Variants in MYRFL observed in about 807,000 individuals in gnomAD.
MYRFL encodes the protein myelin regulatory factor like, also known as myelin regulatory factor-like protein.
In MYRFL, 88 loss-of-function variants were observed where a neutral mutation model predicts 109.4. The observed-to-expected ratio is 0.80, with a 90% CI of 0.68 to 0.96. The LOEUF is 0.96. MYRFL is among the 40% of genes least tolerant of loss of function. The probability of loss-of-function intolerance (pLI) is 0.00; values close to 1 mark genes in which losing one functional copy is unlikely to be tolerated. For missense variants in MYRFL, 957 were observed against 954.9 expected (o/e 1.00, Z -0.03); for synonymous variants, 324 against 320.9 (o/e 1.01, Z -0.10).
chr12:69,890,833 G>T, intron 6 of MYRFL, 138 bp from the exon 7 acceptor site: 1 of 572,252 alleles, frequency 1.7e-6, no homozygotes, highest in Non-Finnish European at 2.7e-6. Context: ...AAAAATTCAA[G>T]AAATCAATTG....
intron 4 of MYRFL, 126 bp downstream of exon 4, chr12:69,879,579 G>T (rs920192662): frequency 1.7e-6 from 1 of 587,712 alleles, no homozygotes. Context: ...GTTGAGACGC[G>T]TATAGGACAT....
intron 10 of MYRFL, among the ~76,000 whole-genome samples, chr12:69,901,393 C>T (rs1237390699): frequency 1.3e-5 from 2 of 152,156 alleles, no homozygotes; most frequent in Non-Finnish European, 2.9e-5. Context: ...GAGGAATTCT[C>T]CCTAGGGCTA....
At chr12:69,866,610 C>T (rs1395016361) in intron 2 of MYRFL, among the ~76,000 whole-genome samples, 1 of 152,152 alleles carries the variant, frequency 6.6e-6, no homozygotes, top group Non-Finnish European at 1.5e-5. Flanking sequence ...GTTACTTCCC[C>T]TCTACCATAT....
intron 1 of MYRFL, among the ~76,000 whole-genome samples, chr12:69,829,715 A>C (rs1323745010): frequency 6.6e-6 from 1 of 152,162 alleles, no homozygotes; most frequent in Admixed American, 6.5e-5. Context: ...TAGAACAGAG[A>C]TGTTGATAGA....
chr12:69,950,524 C>G (rs1033850876), intron 19 of MYRFL, among the ~76,000 whole-genome samples: 5 of 152,168 alleles, frequency 3.3e-5, no homozygotes, highest in African/African-American at 1.2e-4. Context: ...ATAAATATGA[C>G]TAATGAGTAT....
chr12:69,860,298 T>G (rs10748139), intron 2 of MYRFL, among the ~76,000 whole-genome samples: 150,125 of 152,236 alleles, frequency 0.99, 74,061 homozygotes, highest in Middle Eastern at 1. Context: ...TTTTATGGTT[T>G]TATAGTATTC....
At chr12:69,892,675 A>G (rs938931517) in intron 7 of MYRFL, among the ~76,000 whole-genome samples, 1 of 152,246 alleles carries the variant, frequency 6.6e-6, no homozygotes, top group Non-Finnish European at 1.5e-5. Flanking sequence ...TAAAAACAAA[A>G]CAAAACAAAA....
chr12:69,931,744 T>TTCTA (rs1343393392), intron 15 of MYRFL, among the ~76,000 whole-genome samples: 2 of 152,206 alleles, frequency 1.3e-5, no homozygotes, highest in African/African-American at 4.8e-5. Context: ...GGCAGAAAAC[T>TTCTA]TCTATCTCTT....
rs149380610 is a variant in MYRFL, at chr12:69,895,222, A to G, written c.981-149A>G. 2.3e-5 allele frequency: 14 copies of G among 619,382 alleles called. No homozygotes were observed. The African/African-American group carries it at 2.6e-4, about 11-fold the overall frequency. The allele number at this position is 619,382 out of a possible 1,614,324, so 38.4% of individuals were successfully genotyped here. A position where few individuals can be genotyped will look rare whatever the true frequency, so the allele number is the denominator to read the frequency against. On this transcript the variant is annotated intron_variant, in intron 8 of 24. Coordinates refer to ENST00000552032, the MANE Select transcript of MYRFL (RefSeq NM_182530.3). Reference sequence around the variant, plus strand: ...CTGACCATGCTGTGGATAGCAGTTAATAATCGGGGACTAGAATAAACTGTT... The same window carrying G: ...CTGACCATGCTGTGGATAGCAGTTAGTAATCGGGGACTAGAATAAACTGTT...
chr12:69,932,603 G>A lies in MYRFL; in HGVS notation c.1916+5G>A. 1.3e-5 allele frequency: 20 copies of A among 1,533,460 alleles called. No homozygotes were observed. The highest frequency in any genetic ancestry group is 1.7e-5 in the Non-Finnish European group (20 of 1,144,478). 95.0% of individuals were successfully genotyped at this position (1,533,460 alleles called of 1,614,324 possible). ...GATTGCTGTGATGGCATTTTGGTAA[G>A]AAAAAGTTCACTGTTATGCCATGTC... On this transcript the variant is annotated splice_donor_5th_base_variant and intron_variant, in intron 16 of 24. Transcript: ENST00000552032.
chr12:69,860,630 C>T (rs1884591632), intron 2 of MYRFL, among the ~76,000 whole-genome samples: 1 of 151,778 alleles, frequency 6.6e-6, no homozygotes, highest in African/African-American at 2.4e-5. Flanking sequence ...GCTTCTTGTA[C>T]TTCTTTTCCC....
At chr12:69,942,434 C>G (rs1486851489) in intron 19 of MYRFL, among the ~76,000 whole-genome samples, 1 of 150,262 alleles carries the variant, frequency 6.7e-6, no homozygotes, top group Non-Finnish European at 1.5e-5. Context: ...AAGACAAAAA[C>G]CACATGATTA....
intron 9 of MYRFL, among the ~76,000 whole-genome samples, 154 bp downstream of exon 9, chr12:69,895,635 A>T (rs1351146191): frequency 6.6e-6 from 1 of 152,042 alleles, no homozygotes; most frequent in African/African-American, 2.4e-5. Context: ...CAGTTTATTA[A>T]CATTTCTCCT....
At chr12:69,839,936 A>G (rs927119533) in intron 1 of MYRFL, among the ~76,000 whole-genome samples, 25 of 152,158 alleles carry the variant, frequency 1.6e-4, no homozygotes, top group African/African-American at 6.0e-4. Context: ...GAATTGCACT[A>G]TCCTAGTTCT....
At chr12:69,891,624 C>CTT (rs369781124) in intron 7 of MYRFL, among the ~76,000 whole-genome samples, 1 of 18,730 alleles carries the variant, frequency 5.3e-5, no homozygotes, top group Non-Finnish European at 1.0e-4. Flanking sequence ...TCTTTCTTTC[C>CTT]TCCTTCCTTT....
At chr12:69,944,083 G>A (rs992925849) in intron 19 of MYRFL, among the ~76,000 whole-genome samples, 67 of 150,824 alleles carry the variant, frequency 4.4e-4, no homozygotes, top group Non-Finnish European at 6.2e-4. Context: ...TACACTGTTG[G>A]TGGGACTGTA....
intron 2 of MYRFL, among the ~76,000 whole-genome samples, chr12:69,865,614 T>C (rs1254011079): frequency 6.6e-6 from 1 of 152,174 alleles, no homozygotes; most frequent in East Asian, 1.9e-4. Flanking sequence ...GTCCTTCCAG[T>C]GTCCTTCATT....
At chr12:69,882,080 C>A (rs997786100) in intron 5 of MYRFL, among the ~76,000 whole-genome samples, 1 of 152,154 alleles carries the variant, frequency 6.6e-6, no homozygotes, top group Admixed American at 6.5e-5. Context: ...CTCCATCCTG[C>A]GATGGTTTTC....
At chr12:69,905,110 C>A (rs1954314209) in intron 11 of MYRFL, among the ~76,000 whole-genome samples, 1 of 152,140 alleles carries the variant, frequency 6.6e-6, no homozygotes, top group African/African-American at 2.4e-5. Context: ...GATATTGTGA[C>A]TTTGAACTTT....
Sources: gnomAD v4.1 joint callset for allele counts (sites outside exome capture counted in the v4.1 genomes callset) on GRCh38, gnomAD v4.1.1 for gene constraint, MANE v1.5 for transcripts, NCBI Gene and HGNC (gene_info 2026-07-23, HGNC 2026-07-21) for gene names.